EXOC4: variants seen among roughly 807,000 people sequenced by gnomAD.
EXOC4 encodes exocyst complex component 4, also known as SEC8-like 1.
A neutral mutation model predicts 107.2 loss-of-function variants in EXOC4; 71 were observed. The ratio of observed to expected loss-of-function variants is 0.66; its 90% CI spans 0.55 to 0.81. EXOC4 has a LOEUF of 0.81. Among genes scored for constraint, EXOC4 ranks in the 30% least tolerant of loss-of-function variants. EXOC4 has a pLI of 0.00. For missense variants in EXOC4, 1,108 were observed against 1,189.6 expected (o/e 0.93, Z 1.01); for synonymous variants, 456 against 441.2 (o/e 1.03, Z -0.42).
intron 9 of EXOC4, among the ~76,000 whole-genome samples, chr7:133,559,603 T>C (rs1403733042): frequency 6.6e-6 from 1 of 152,118 alleles, no homozygotes; most frequent in Non-Finnish European, 1.5e-5. Flanking sequence ...ATAAACAAAG[T>C]TGGGTAATTT....
chr7:133,689,381 A>G (rs1794372019), intron 10 of EXOC4, among the ~76,000 whole-genome samples: 1 of 152,146 alleles, frequency 6.6e-6, no homozygotes, highest in African/African-American at 2.4e-5. Flanking sequence ...GGGCTACTAC[A>G]ATGGGGTTTT....
chr7:134,064,709 G>A lies in EXOC4; in HGVS notation c.*181G>A, dbSNP rs1269023735. On this transcript the variant is annotated 3_prime_UTR_variant, in exon 18 of 18. Transcript: ENST00000253861. ...ATATAAATGCTAAAGGAAGGCGACA[G>A]TACAGAGTGTTTTGGTTGAACAACT... 2.4e-6 allele frequency: 1 copy of A among 423,102 alleles called. No individual in the cohort carries two copies. The highest frequency in any genetic ancestry group is 4.2e-6 in the Non-Finnish European group (1 of 238,912). 26.2% of individuals were successfully genotyped at this position (423,102 alleles called of 1,614,324 possible). A position where few individuals can be genotyped will look rare whatever the true frequency, so the allele number is the denominator to read the frequency against.
At chr7:133,536,938 G>A (rs575762543) in intron 9 of EXOC4, among the ~76,000 whole-genome samples, 2 of 152,196 alleles carry the variant, frequency 1.3e-5, no homozygotes, top group South Asian at 4.2e-4. Context: ...TCTTAGATTT[G>A]ATTCGCCAGA....
chr7:133,279,527 CT>C (rs1178153993), intron 2 of EXOC4, among the ~76,000 whole-genome samples: 2 of 152,172 alleles, frequency 1.3e-5, no homozygotes, highest in Non-Finnish European at 2.9e-5. Context: ...ACTGTTTATG[CT>C]TGCCATTTGA....
At chr7:133,569,112 T>C (rs1800966394) in intron 9 of EXOC4, among the ~76,000 whole-genome samples, 1 of 151,974 alleles carries the variant, frequency 6.6e-6, no homozygotes, top group African/African-American at 2.4e-5. Flanking sequence ...CTGTGTGATT[T>C]TGGAACTCCC....
intron 10 of EXOC4, among the ~76,000 whole-genome samples, chr7:133,772,581 AT>A (rs1796267021): frequency 6.6e-6 from 1 of 151,946 alleles, no homozygotes; most frequent in African/African-American, 2.4e-5. Context: ...CTTAACCTAA[AT>A]TTTTCATGCT....
At chr7:134,095,111 G>C in the EXOC4 span, among the ~76,000 whole-genome samples, 4 of 151,986 alleles carry the variant, frequency 2.6e-5, no homozygotes, top group African/African-American at 7.2e-5. Flanking sequence ...AAAGTTTCAG[G>C]CTACAAAATC....
chr7:133,864,031 G>A (rs1798587461), intron 11 of EXOC4, among the ~76,000 whole-genome samples: 1 of 152,262 alleles, frequency 6.6e-6, no homozygotes, highest in East Asian at 1.9e-4. Flanking sequence ...ATCATCATCA[G>A]TTCTTCTTTT....
intron 1 of EXOC4, among the ~76,000 whole-genome samples, chr7:133,274,363 CCA>C (rs970977333): frequency 1.3e-4 from 20 of 152,158 alleles, no homozygotes; most frequent in African/African-American, 4.8e-4. Flanking sequence ...ATGAAAAAGA[CCA>C]ACTGAAAGTG....
intron 10 of EXOC4, among the ~76,000 whole-genome samples, chr7:133,749,963 T>TG (rs1245711017): frequency 6.9e-6 from 1 of 144,550 alleles, no homozygotes; most frequent in Admixed American, 6.9e-5. Context: ...CAGTTTTTTT[T>TG]TTTTTTTTTT....
In EXOC4 at chr7:133,480,094, G is replaced by A; in HGVS notation, c.1373G>A (p.Arg458Gln). The A allele has an allele frequency of 5.6e-6, 9 of 1,614,034 alleles. No individual in the cohort carries two copies. Among genetic ancestry groups the A allele is most frequent in the Non-Finnish European group, 7.6e-6 (9 of 1,179,928 alleles). ...GCCATCAGTATGAGCGCCTATCTGC[G>A]AGAACAGAGAAGGGAGCTCTATAGT... ...SHAISMSAYL[R>Q]EQRRELYSRS... The change falls in exon 9 of 18, where the codon CGA (arginine) becomes CAA (glutamine). Residue 458 changes from arginine (R) to glutamine (Q), a missense_variant. Physicochemically the swap from Arg to Gln is conservative, Grantham distance 43 (BLOSUM62 1). Transcript: ENST00000253861.
rs528676612 is a variant in EXOC4 at position 133,948,899 on chromosome 7, C to T, written c.2206+10830C>T. On this transcript the variant is annotated intron_variant, in intron 14 of 17. Coordinates refer to ENST00000253861, the MANE Select transcript of EXOC4 (RefSeq NM_021807.4). ...CAACATAATCACCTATTACGAGTTA[C>T]GAGTGACAGAGTTACAAGCACACCA... Among the ~76,000 whole-genome samples the T allele has an allele frequency of 5.9e-5, 9 of 152,276 alleles. No individual in the cohort carries two copies. In the South Asian group the frequency reaches 1.0e-3, roughly 18 times the overall value.
chr7:134,064,468 C>A lies in EXOC4; in HGVS notation c.2865C>A (p.Ile955=). The A allele has an allele frequency of 1.2e-6, 2 of 1,607,484 alleles. No individual in the cohort carries two copies. The highest frequency in any genetic ancestry group is 1.7e-6 in the Non-Finnish European group (2 of 1,176,630). ...QNTRLQRLKE[I]ICEQAAIKQA... ...CGAGGCTGCAGAGGCTCAAAGAGAT[C>A]ATCTGCGAGCAGGCTGCCATCAAGC... The change falls in exon 18 of 18, where the codon ATC becomes ATA. Residue 955 remains isoleucine, a synonymous_variant. Coordinates refer to ENST00000253861, the MANE Select transcript of EXOC4 (RefSeq NM_021807.4).
At chr7:134,080,359 G>C in the EXOC4 span, among the ~76,000 whole-genome samples, 2 of 152,146 alleles carry the variant, frequency 1.3e-5, no homozygotes, top group African/African-American at 4.8e-5. Context: ...TGGGGACTTG[G>C]GGAGATAAGG....
At chr7:133,903,835 G>T (rs964508503) in intron 12 of EXOC4, among the ~76,000 whole-genome samples, 3 of 152,208 alleles carry the variant, frequency 2.0e-5, no homozygotes, top group Admixed American at 1.3e-4. Flanking sequence ...AAGTTTGCAA[G>T]ATGACGAGAA....
chr7:133,687,641 A>C (rs1465876853), intron 10 of EXOC4, among the ~76,000 whole-genome samples: 1 of 152,090 alleles, frequency 6.6e-6, no homozygotes, highest in Non-Finnish European at 1.5e-5. Context: ...TGGCTGTAGC[A>C]CCTGACTGAA....
rs1330162269 is a variant in EXOC4 at position 133,997,486 on chromosome 7, T to G, written c.2207-6T>G. The stretch of plus-strand genomic sequence containing the variant: ...AAATGATTGGTGTTTTATCCTTACC[T>G]TTCAGTGCTTTCTCCTGCTCAAGAC... On this transcript the variant is annotated splice_region_variant and splice_polypyrimidine_tract_variant and intron_variant, in intron 14 of 17. Coordinates refer to ENST00000253861, the MANE Select transcript of EXOC4 (RefSeq NM_021807.4). 1 of 1,613,426 alleles carries G rather than the reference T, an allele frequency of 6.2e-7. No individual in the cohort carries two copies. The highest frequency in any genetic ancestry group is 8.5e-7 in the Non-Finnish European group (1 of 1,179,586).
intron 10 of EXOC4, among the ~76,000 whole-genome samples, chr7:133,804,145 A>G (rs2151199015): frequency 6.6e-6 from 1 of 152,318 alleles, no homozygotes; most frequent in East Asian, 1.9e-4. Context: ...GTAGAAAAAT[A>G]ACTTTGTGAA....
chr7:134,075,652 GCTACAACTCAA>G, the EXOC4 span, among the ~76,000 whole-genome samples: 313 of 152,278 alleles, frequency 2.1e-3, no homozygotes, highest in Middle Eastern at 0.01. Flanking sequence ...GATTATGGGG[GCTACAACTCAA>G]GATGAGATTT....
Sources: allele counts gnomAD v4.1 joint callset (sites outside exome capture counted in the v4.1 genomes callset), GRCh38; gene constraint gnomAD v4.1.1; transcripts MANE v1.5; gene names NCBI Gene and HGNC (gene_info 2026-07-23, HGNC 2026-07-21).